Variants in LGSN observed in about 807,000 individuals in gnomAD.
LGSN encodes the protein lengsin, lens protein with glutamine synthetase domain, also known as lengsin.
A neutral mutation model predicts 19.5 loss-of-function variants in LGSN; 21 were observed. The observed-to-expected ratio is 1.07, with a 90% CI of 0.76 to 1.55. The LOEUF (loss-of-function observed/expected upper bound fraction) is 1.55, where lower values mean the gene tolerates loss of function less well. Ranked by LOEUF, LGSN falls within the 40% of genes most tolerant of loss-of-function variation. The pLI is 0.00. For missense variants in LGSN, 673 were observed against 608.5 expected (o/e 1.11, Z -1.12); for synonymous variants, 257 against 215.6 (o/e 1.19, Z -1.68).
At chr6:63,521,239 A>T in the LGSN span, among the ~76,000 whole-genome samples, 2 of 152,206 alleles carry the variant, frequency 1.3e-5, no homozygotes, top group Non-Finnish European at 2.9e-5. Flanking sequence ...TAAAAGAAAA[A>T]AAAATAAAAC....
chr6:63,416,217 T>C, the LGSN span, among the ~76,000 whole-genome samples: 1 of 151,902 alleles, frequency 6.6e-6, no homozygotes, highest in Non-Finnish European at 1.5e-5. Flanking sequence ...TCATTGCTAC[T>C]GTCTCAAATG....
the LGSN span, among the ~76,000 whole-genome samples, chr6:63,528,855 G>A: frequency 2.0e-5 from 3 of 152,014 alleles, no homozygotes; most frequent in East Asian, 1.9e-4. Flanking sequence ...TTGGGAGGCC[G>A]AGGCCGGTGG....
At chr6:63,521,119 C>T in the LGSN span, among the ~76,000 whole-genome samples, 1 of 151,842 alleles carries the variant, frequency 6.6e-6, no homozygotes, top group South Asian at 2.1e-4. Context: ...GCATGCGGGG[C>T]TTAAAACCTA....
At chr6:63,302,523 A>T (rs796478407) in intron 1 of LGSN, among the ~76,000 whole-genome samples, 33 of 152,350 alleles carry the variant, frequency 2.2e-4, no homozygotes, top group African/African-American at 7.9e-4. Flanking sequence ...TCTAATGAAG[A>T]AGTTGACCAG....
At chr6:63,559,545 G>A in the LGSN span, among the ~76,000 whole-genome samples, 1 of 152,064 alleles carries the variant, frequency 6.6e-6, no homozygotes, top group African/African-American at 2.4e-5. Flanking sequence ...AGGAGATGGA[G>A]ACCATCCTGG....
chr6:63,293,718 G>A, intron 2 of LGSN: 1 of 456,470 alleles, frequency 2.2e-6, no homozygotes, highest in Non-Finnish European at 4.4e-6. Flanking sequence ...TGTTCTGGGG[G>A]GCAAAGGTTT....
At chr6:63,302,034 T>A (rs1305807938) in intron 1 of LGSN, among the ~76,000 whole-genome samples, 1 of 152,126 alleles carries the variant, frequency 6.6e-6, no homozygotes, top group Non-Finnish European at 1.5e-5. Context: ...TTTAGGATGT[T>A]CCAAAAGGTC....
intron 2 of LGSN, among the ~76,000 whole-genome samples, chr6:63,290,521 A>G (rs535549782): frequency 6.6e-6 from 1 of 152,358 alleles, no homozygotes; most frequent in Non-Finnish European, 1.5e-5. Flanking sequence ...TCACTATTAG[A>G]AAATTTTATG....
At chr6:63,444,753 C>T in the LGSN span, among the ~76,000 whole-genome samples, 1 of 152,174 alleles carries the variant, frequency 6.6e-6, no homozygotes, top group African/African-American at 2.4e-5. Context: ...TCTTTTCATT[C>T]TTCTCAGTTA....
the LGSN span, among the ~76,000 whole-genome samples, chr6:63,353,766 C>A: frequency 1.3e-5 from 2 of 151,900 alleles, no homozygotes; most frequent in African/African-American, 4.8e-5. Flanking sequence ...TTATAGTAAC[C>A]AAAGCATCAT....
At chr6:63,479,627 C>A in the LGSN span, among the ~76,000 whole-genome samples, 1 of 152,124 alleles carries the variant, frequency 6.6e-6, no homozygotes, top group South Asian at 2.1e-4. Flanking sequence ...GTAGTCCCAA[C>A]TACTCAGGAG....
chr6:63,304,012 T>G (rs1768281203), intron 1 of LGSN, among the ~76,000 whole-genome samples: 1 of 152,236 alleles, frequency 6.6e-6, no homozygotes, highest in South Asian at 2.1e-4. Flanking sequence ...TTTGCCTTGC[T>G]TATGCCTCTT....
At chr6:63,404,377 C>T in the LGSN span, among the ~76,000 whole-genome samples, 1 of 151,492 alleles carries the variant, frequency 6.6e-6, no homozygotes, top group Non-Finnish European at 1.5e-5. Context: ...TGGAATCTAC[C>T]AAAAAAAATC....
the LGSN span, among the ~76,000 whole-genome samples, chr6:63,330,746 A>G: frequency 3.3e-5 from 5 of 152,332 alleles, no homozygotes; most frequent in Non-Finnish European, 5.9e-5. Context: ...CTTGCTGACC[A>G]GTAGGGAATT....
At chr6:63,441,284 G>C in the LGSN span, 3 of 416,404 alleles carry the variant, frequency 7.2e-6, no homozygotes, top group African/African-American at 2.1e-5. Flanking sequence ...ACCTTAGAAA[G>C]AACAAGCCGC....
chr6:63,305,589 T>C (rs946594300), intron 1 of LGSN, among the ~76,000 whole-genome samples: 6 of 152,212 alleles, frequency 3.9e-5, no homozygotes, highest in African/African-American at 9.7e-5. Flanking sequence ...TTCAGCTGTT[T>C]CTGTGACTCA....
the LGSN span, among the ~76,000 whole-genome samples, chr6:63,454,994 C>T: frequency 1.3e-5 from 2 of 151,318 alleles, no homozygotes; most frequent in African/African-American, 2.4e-5. Context: ...GGTTTCACCA[C>T]GTTGGCCAGG....
At chr6:63,459,122 C>G in the LGSN span, among the ~76,000 whole-genome samples, 3 of 152,122 alleles carry the variant, frequency 2.0e-5, no homozygotes, top group African/African-American at 7.2e-5. Flanking sequence ...AATTATAATT[C>G]AAAATGTCAA....
At chr6:63,428,155 C>T in the LGSN span, among the ~76,000 whole-genome samples, 3 of 152,100 alleles carry the variant, frequency 2.0e-5, no homozygotes, top group African/African-American at 7.2e-5. Context: ...CTATTAATAA[C>T]ACCTCATAAA....
Sources: allele counts gnomAD v4.1 joint callset (sites outside exome capture counted in the v4.1 genomes callset), GRCh38; gene constraint gnomAD v4.1.1; transcripts MANE v1.5; gene names NCBI Gene and HGNC (gene_info 2026-07-23, HGNC 2026-07-21).